Variants in COL26A1 observed in about 807,000 individuals in gnomAD.
The protein encoded by COL26A1 is collagen type XXVI alpha 1 chain.
COL26A1 carries 41 observed loss-of-function variants against 59.3 expected under a neutral mutation model. The ratio of observed to expected loss-of-function variants is 0.69; its 90% CI spans 0.54 to 0.90. The LOEUF is 0.90. Ranked by LOEUF, COL26A1 falls within the 40% of genes least tolerant of loss-of-function variation. The pLI is 0.00. For missense variants in COL26A1, 612 were observed against 602.3 expected, an observed-to-expected ratio of 1.02 and a Z score of -0.17; for synonymous variants, 266 against 256.0, an observed-to-expected ratio of 1.04 and a Z score of -0.37.
chr7:101,395,134 A>C (rs1791826515), intron 1 of COL26A1, among the ~76,000 whole-genome samples: 1 of 151,898 alleles, frequency 6.6e-6, no homozygotes, highest in African/African-American at 2.4e-5. Context: ...TGGCCTCCCA[A>C]AGTGCTGGGA....
At chr7:101,368,538 A>T (rs6973760) in intron 1 of COL26A1, among the ~76,000 whole-genome samples, 1 of 152,152 alleles carries the variant, frequency 6.6e-6, no homozygotes, top group Non-Finnish European at 1.5e-5. Flanking sequence ...GGCACTATTT[A>T]TACTTACTTT....
At chr7:101,467,278 G>C (rs1406627755) in intron 3 of COL26A1, among the ~76,000 whole-genome samples, 3 of 151,378 alleles carry the variant, frequency 2.0e-5, no homozygotes, top group African/African-American at 7.3e-5. Context: ...GTGATAAAGA[G>C]AGAAAAGAGA....
chr7:101,444,616 T>A (rs1395949144), intron 2 of COL26A1, among the ~76,000 whole-genome samples: 1 of 152,010 alleles, frequency 6.6e-6, no homozygotes, highest in Non-Finnish European at 1.5e-5. Flanking sequence ...GGTTTCTCCA[T>A]GTTGGGCAGG....
chr7:101,513,694 ACTT>A (rs1284847416), intron 3 of COL26A1, among the ~76,000 whole-genome samples: 1 of 152,090 alleles, frequency 6.6e-6, no homozygotes, highest in African/African-American at 2.4e-5. Flanking sequence ...AGTTGTCACA[ACTT>A]CTACCCAGCA....
chr7:101,517,444 A>G (rs986859095), intron 3 of COL26A1, among the ~76,000 whole-genome samples: 4 of 152,268 alleles, frequency 2.6e-5, no homozygotes, highest in African/African-American at 9.6e-5. Flanking sequence ...CTGCGAGGTG[A>G]CTTGCTCCTC....
chr7:101,365,188 C>T (rs1791014039), intron 1 of COL26A1, among the ~76,000 whole-genome samples: 1 of 152,188 alleles, frequency 6.6e-6, no homozygotes, highest in African/African-American at 2.4e-5. Flanking sequence ...AGTGTGGCCT[C>T]TGCACAGTTC....
chr7:101,494,846 C>G (rs1054192194), intron 3 of COL26A1, among the ~76,000 whole-genome samples: 6 of 152,298 alleles, frequency 3.9e-5, no homozygotes, highest in South Asian at 2.1e-4. Flanking sequence ...CCAGAGCGTA[C>G]ACTGCAGGTT....
At chr7:101,553,427 C>T in intron 11 of COL26A1, 51 bp downstream of exon 11, 1 of 1,577,772 alleles carries the variant, frequency 6.3e-7, no homozygotes, top group South Asian at 1.1e-5. Context: ...GCTGTGAGCA[C>T]TGTCACGGGA....
At chr7:101,518,219 G>A (rs1795070755) in intron 3 of COL26A1, among the ~76,000 whole-genome samples, 1 of 152,172 alleles carries the variant, frequency 6.6e-6, no homozygotes, top group Non-Finnish European at 1.5e-5. Context: ...TCTGTTCCTT[G>A]AGAGGCGATT....
intron 3 of COL26A1, among the ~76,000 whole-genome samples, chr7:101,521,719 A>G (rs1795143767): frequency 6.6e-6 from 1 of 152,200 alleles, no homozygotes; most frequent in South Asian, 2.1e-4. Flanking sequence ...CTGTGTAACC[A>G]GCACCCACAT....
chr7:101,481,970 G>A (rs1478180864), intron 3 of COL26A1, among the ~76,000 whole-genome samples: 2 of 151,590 alleles, frequency 1.3e-5, no homozygotes, highest in African/African-American at 4.8e-5. Context: ...CACCATAAAT[G>A]CTAACAATAA....
intron 3 of COL26A1, among the ~76,000 whole-genome samples, chr7:101,465,691 CAAAAAAAAAAAA>C (rs539721605): frequency 9.7e-6 from 1 of 102,664 alleles, no homozygotes; most frequent in Non-Finnish European, 2.0e-5. Flanking sequence ...GAAACTGTCT[CAAAAAAAAAAAA>C]AAAAAAAAAG....
rs182290362 is a variant in COL26A1, at chr7:101,410,221, C to T, written c.159-9756C>T. ...ATGGATTGCTGGGCCAGCTGGTGTT[C>T]GTTGGTTCATCAGTTCATCTGAATG... On this transcript the variant is annotated intron_variant, in intron 1 of 12. Transcript: ENST00000313669. 4.1e-4 allele frequency among the ~76,000 whole-genome samples: 62 copies of T among 152,130 alleles called. No individual in the cohort carries two copies. In the East Asian group the frequency reaches 8.7e-3, roughly 21 times the overall value.
chr7:101,420,710 C>CAGCCCCTCCCTCTCACA, intron 2 of COL26A1, among the ~76,000 whole-genome samples: 1 of 144,110 alleles, frequency 6.9e-6, no homozygotes, highest in Non-Finnish European at 1.6e-5. Flanking sequence ...CACCCCTCAC[C>CAGCCCCTCCCTCTCACA]AGCCCCTCCC....
intron 3 of COL26A1, among the ~76,000 whole-genome samples, chr7:101,506,352 G>C (rs1280548204): frequency 6.6e-6 from 1 of 152,250 alleles, no homozygotes; most frequent in East Asian, 1.9e-4. Context: ...GGAGAAGAGA[G>C]AGTCACTTTG....
At chr7:101,409,284 A>T (rs1445287332) in intron 1 of COL26A1, among the ~76,000 whole-genome samples, 1 of 152,140 alleles carries the variant, frequency 6.6e-6, no homozygotes, top group African/African-American at 2.4e-5. Flanking sequence ...AGAAGGACCT[A>T]TGAGGGGATA....
chr7:101,436,011 C>T (rs1372040744), intron 2 of COL26A1, among the ~76,000 whole-genome samples: 1 of 152,224 alleles, frequency 6.6e-6, no homozygotes, highest in African/African-American at 2.4e-5. Flanking sequence ...GCTCTTTCTT[C>T]CCTGCCTCTC....
At chr7:101,372,568 G>A (rs1426951181) in intron 1 of COL26A1, among the ~76,000 whole-genome samples, 2 of 152,218 alleles carry the variant, frequency 1.3e-5, no homozygotes, top group Non-Finnish European at 2.9e-5. Flanking sequence ...GTCAACATAG[G>A]AGGTGGGTTT....
chr7:101,395,872 C>G (rs1007188553), intron 1 of COL26A1, among the ~76,000 whole-genome samples: 1 of 152,096 alleles, frequency 6.6e-6, no homozygotes. Flanking sequence ...TTGGGGTTGT[C>G]GAGGGTCTCA....
Sources: gnomAD v4.1 joint callset for allele counts (sites outside exome capture counted in the v4.1 genomes callset) on GRCh38, gnomAD v4.1.1 for gene constraint, MANE v1.5 for transcripts, NCBI Gene and HGNC (gene_info 2026-07-23, HGNC 2026-07-21) for gene names.